The following CCDC7 variants were observed in gnomAD, a reference collection of about 807,000 sequenced individuals.
The protein encoded by CCDC7 is coiled-coil domain containing 7, also known as coiled-coil domain-containing protein 7.
A neutral mutation model predicts 196.9 loss-of-function variants in CCDC7; 183 were observed. The ratio of observed to expected loss-of-function variants is 0.93; its 90% confidence interval spans 0.82 to 1.05. The LOEUF (loss-of-function observed/expected upper bound fraction) is 1.05. Ranked by LOEUF, CCDC7 falls within the 50% of genes least tolerant of loss-of-function variation. CCDC7 has a pLI of 0.00. For missense variants in CCDC7, 1,540 were observed against 1,482.2 expected (o/e 1.04, Z -0.64); for synonymous variants, 525 against 484.6 (o/e 1.08, Z -1.10).
intron 28 of CCDC7, among the ~76,000 whole-genome samples, chr10:32,735,727 C>A (rs774421588): frequency 5.9e-5 from 9 of 152,096 alleles, no homozygotes; most frequent in Non-Finnish European, 1.2e-4. Flanking sequence ...TTTGTTGTAT[C>A]TAAAATGCCA....
chr10:32,622,152 A>G (rs1441769439), intron 18 of CCDC7, among the ~76,000 whole-genome samples: 1 of 151,568 alleles, frequency 6.6e-6, no homozygotes, highest in Non-Finnish European at 1.5e-5. Flanking sequence ...ATTCTTTTTG[A>G]CTCTTGGCTA....
chr10:32,855,988 CTT>C (rs940117772), intron 41 of CCDC7, among the ~76,000 whole-genome samples: 1 of 152,088 alleles, frequency 6.6e-6, no homozygotes, highest in Non-Finnish European at 1.5e-5. Flanking sequence ...AAAAAATAGT[CTT>C]TACAACATAT....
intron 32 of CCDC7, among the ~76,000 whole-genome samples, chr10:32,833,635 C>A (rs1169951455): frequency 6.6e-6 from 1 of 151,954 alleles, no homozygotes; most frequent in Non-Finnish European, 1.5e-5. Context: ...TGCTAATGTT[C>A]CCCAGGTTTT....
chr10:32,755,359 T>C (rs2076259105), intron 28 of CCDC7, among the ~76,000 whole-genome samples: 1 of 152,108 alleles, frequency 6.6e-6, no homozygotes, highest in Admixed American at 6.5e-5. Flanking sequence ...AACTGGGAGA[T>C]ACCTCCCAGT....
chr10:32,452,903 T>C (rs1367502795), intron 1 of CCDC7, among the ~76,000 whole-genome samples: 1 of 152,228 alleles, frequency 6.6e-6, no homozygotes, highest in African/African-American at 2.4e-5. Context: ...ATCAAACTTG[T>C]ACAGTACAAG....
At chr10:32,801,517 C>T (rs986202863) in intron 29 of CCDC7, among the ~76,000 whole-genome samples, 2 of 152,174 alleles carry the variant, frequency 1.3e-5, no homozygotes, top group Non-Finnish European at 2.9e-5. Context: ...TTATCCTACA[C>T]CCTTAATATT....
At chr10:32,823,738 G>GT (rs758441820) in intron 31 of CCDC7, among the ~76,000 whole-genome samples, 3 of 151,988 alleles carry the variant, frequency 2.0e-5, no homozygotes, top group Non-Finnish European at 4.4e-5. Context: ...AGATTTTTTA[G>GT]TTTTTCCATC....
At chr10:32,759,071 C>G (rs2076972640) in intron 28 of CCDC7, among the ~76,000 whole-genome samples, 2 of 152,114 alleles carry the variant, frequency 1.3e-5, no homozygotes, top group South Asian at 4.1e-4. Context: ...GAACTACAAA[C>G]CACTGCTCAA....
chr10:32,632,039 G>T (rs2064940634), intron 18 of CCDC7, among the ~76,000 whole-genome samples: 1 of 149,724 alleles, frequency 6.7e-6, no homozygotes, highest in South Asian at 2.1e-4. Context: ...GGATGTATTT[G>T]TGTGTGTATA....
At chr10:32,774,420 C>T (rs1157915756) in intron 28 of CCDC7, among the ~76,000 whole-genome samples, 1 of 152,136 alleles carries the variant, frequency 6.6e-6, no homozygotes, top group Non-Finnish European at 1.5e-5. Context: ...TGAACATTCA[C>T]CTCCAATTTC....
intron 28 of CCDC7, among the ~76,000 whole-genome samples, chr10:32,774,847 G>T (rs1223669271): frequency 6.6e-6 from 1 of 152,142 alleles, no homozygotes; most frequent in Non-Finnish European, 1.5e-5. Flanking sequence ...ATGTATATGT[G>T]TGGTAGATTG....
intron 8 of CCDC7, among the ~76,000 whole-genome samples, chr10:32,487,337 C>A (rs865777441): frequency 6.6e-6 from 1 of 152,220 alleles, no homozygotes; most frequent in African/African-American, 2.4e-5. Flanking sequence ...TCAGCTCCAT[C>A]AGTCCTTTAA....
chr10:32,767,929 T>C lies in CCDC7; in HGVS notation c.2906-11048T>C, dbSNP rs1184712968. On this transcript the variant is annotated intron_variant, in intron 28 of 41. Transcript: ENST00000639629. The stretch of plus-strand genomic sequence containing the variant: ...AACAAAGAGATTGAAGTAATAACTT[T>C]AAAAACACCCAGAAATTCTGGAGTT... Among the ~76,000 whole-genome samples, 3 of 152,006 alleles carry C rather than the reference T, an allele frequency of 2.0e-5. No homozygotes were observed. In the East Asian group the frequency reaches 5.8e-4, roughly 29 times the overall value.
chr10:32,511,264 G>GGGC lies in CCDC7; in HGVS notation c.873-6679_873-6678insCGG. On this transcript the variant is annotated intron_variant, in intron 9 of 41. Transcript: ENST00000639629. ...CACAGAATTATTCTGTGGGGGGCGG[G>GGGC]GGGGGCGGGGAAATGTACTTTTTGA... 7.4e-6 allele frequency: 4 copies of GGGC among 543,968 alleles called. 1 individual carries two copies. The highest frequency in any genetic ancestry group is 3.2e-5 in the Admixed American group (1 of 30,822). The allele number at this position is 543,968 out of a possible 1,614,324, so 33.7% of individuals were successfully genotyped here. A position where few individuals can be genotyped will look rare whatever the true frequency, so the allele number is the denominator to read the frequency against.
At chr10:32,560,547 C>G (rs1445629552) in intron 13 of CCDC7, among the ~76,000 whole-genome samples, 5 of 152,220 alleles carry the variant, frequency 3.3e-5, no homozygotes, top group African/African-American at 1.2e-4. Flanking sequence ...AATTTTCACC[C>G]AGAATTTCAT....
intron 11 of CCDC7, among the ~76,000 whole-genome samples, chr10:32,536,496 G>A (rs2050518231): frequency 6.6e-6 from 1 of 152,092 alleles, no homozygotes; most frequent in Admixed American, 6.6e-5. Flanking sequence ...TTTTCTCCCA[G>A]CAAACCTCAC....
chr10:32,507,145 A>T (rs1200952484), intron 9 of CCDC7, among the ~76,000 whole-genome samples: 3 of 151,964 alleles, frequency 2.0e-5, no homozygotes, highest in Non-Finnish European at 4.4e-5. Context: ...AGTGCGCGCC[A>T]CCACACCCAG....
At chr10:32,623,808 A>T (rs1419470612) in intron 18 of CCDC7, 1 of 470,188 alleles carries the variant, frequency 2.1e-6, no homozygotes, top group Non-Finnish European at 4.4e-6. Flanking sequence ...GGGAGCAGAT[A>T]TGTCACACGG....
At chr10:32,703,151 A>T (rs1243790926) in intron 24 of CCDC7, among the ~76,000 whole-genome samples, 3 of 152,084 alleles carry the variant, frequency 2.0e-5, no homozygotes, top group Non-Finnish European at 2.9e-5. Context: ...AGTGGCTGGT[A>T]CTGGTTGTTC....
Sources: allele counts gnomAD v4.1 joint callset (sites outside exome capture counted in the v4.1 genomes callset), GRCh38; gene constraint gnomAD v4.1.1; transcripts MANE v1.5; gene names NCBI Gene and HGNC (gene_info 2026-07-23, HGNC 2026-07-21).